PPHLN1: variants seen among roughly 807,000 people sequenced by gnomAD.
The protein encoded by PPHLN1 is periphilin 1.
PPHLN1 carries 29 observed loss-of-function variants against 51.3 expected under a neutral mutation model. The observed-to-expected ratio is 0.57, with a 90% CI of 0.42 to 0.77. The LOEUF is 0.77. PPHLN1 is among the 30% of genes least tolerant of loss of function. The pLI is 0.00. For missense variants in PPHLN1, 436 were observed against 438.4 expected (o/e 0.99, Z 0.05); for synonymous variants, 147 against 147.8 (o/e 0.99, Z 0.04).
At chr12:42,406,843 A>G (rs1411662591) in intron 9 of PPHLN1, among the ~76,000 whole-genome samples, 1 of 151,994 alleles carries the variant, frequency 6.6e-6, no homozygotes, top group East Asian at 1.9e-4. Context: ...TATATTTTAC[A>G]TTGAGTTATA....
intron 1 of PPHLN1, among the ~76,000 whole-genome samples, chr12:42,329,412 T>C (rs1199898604): frequency 2.0e-5 from 3 of 152,180 alleles, no homozygotes; most frequent in African/African-American, 7.2e-5. Flanking sequence ...GCCTGGAATT[T>C]CAAATATTTT....
intron 9 of PPHLN1, among the ~76,000 whole-genome samples, chr12:42,438,315 C>G (rs1399166040): frequency 6.6e-6 from 1 of 152,138 alleles, no homozygotes; most frequent in African/African-American, 2.4e-5. Flanking sequence ...TGTGGCTCTA[C>G]ATTTTTGACA....
chr12:42,374,944 T>C lies in PPHLN1; in HGVS notation c.381T>C (p.Asn127=). ...AGCGGTCTCCTTATAAAAGGGACAATACTTTTTTCAGAGAATCACCTGTTG... is the reference window on the plus strand; with the variant it reads ...AGCGGTCTCCTTATAAAAGGGACAACACTTTTTTCAGAGAATCACCTGTTG... ...ARERSPYKRD[N]TFFRESPVGR... Residue 127 remains asparagine (N), a synonymous_variant, in exon 5 of 10, where the codon AAT becomes AAC. Transcript: ENST00000358314. 6.2e-7 allele frequency: 1 copy of C among 1,613,712 alleles called. No individual in the cohort carries two copies. Among genetic ancestry groups the C allele is most frequent in the Non-Finnish European group, 8.5e-7 (1 of 1,179,884 alleles).
intron 4 of PPHLN1, chr12:42,359,684 C>CCGTG (rs2074412459): frequency 6.6e-6 from 1 of 152,148 alleles, no homozygotes; most frequent in Non-Finnish European, 1.5e-5. Flanking sequence ...GCATTGTGAA[C>CCGTG]CGTGCAAAGA....
Position 42,374,982 on chromosome 12 carries a change from C to T in PPHLN1, c.419C>T (p.Ser140Phe). 1 of 1,613,942 alleles carries T rather than the reference C, an allele frequency of 6.2e-7. No homozygotes were observed. Among genetic ancestry groups the T allele is most frequent in the Non-Finnish European group, 8.5e-7 (1 of 1,179,954 alleles). ...FRESPVGRKDSPHSRSGSSVS... is the reference protein window; with the variant it reads ...FRESPVGRKDFPHSRSGSSVS... ...GAATCACCTGTTGGCCGAAAGGATT[C>T]TCCACACAGCAGATCTGGTTCCAGT... Residue 140 changes from serine (S) to phenylalanine (F), a missense_variant, in exon 5 of 10, where the codon TCT (serine) becomes TTT (phenylalanine). Coordinates refer to ENST00000358314, the MANE Select transcript of PPHLN1 (RefSeq NM_201439.2).
chr12:42,375,048 A>G lies in PPHLN1; in HGVS notation c.485A>G (p.Tyr162Cys), dbSNP rs1291781264. The G allele has an allele frequency of 4.3e-6, 7 of 1,611,272 alleles. No individual in the cohort carries two copies. The South Asian group carries it at 5.5e-5, about 13-fold the overall frequency. ...RSYSPERSKS[Y>C]SFHQSQHRKS... Reference sequence around the variant, plus strand: ...TACTCTCCAGAAAGGAGCAAATCATACTCTTTCCATCAGTCTCAACATAGA... The same window carrying G: ...TACTCTCCAGAAAGGAGCAAATCATGCTCTTTCCATCAGTCTCAACATAGA... The change falls in exon 5 of 10, where the codon TAC (tyrosine) becomes TGC (cysteine). Residue 162 changes from tyrosine (Y) to cysteine (C), a missense_variant. Physicochemically the swap from Tyr to Cys is radical, Grantham distance 194 (BLOSUM62 -2). Coordinates refer to ENST00000358314, the MANE Select transcript of PPHLN1 (RefSeq NM_201439.2).
intron 3 of PPHLN1, among the ~76,000 whole-genome samples, chr12:42,353,915 A>G (rs1349145410): frequency 1.3e-5 from 2 of 152,140 alleles, no homozygotes; most frequent in African/African-American, 4.8e-5. Context: ...TTTTGTGTGT[A>G]TAACATTTTT....
At chr12:42,396,086 A>T (rs188695263) in intron 8 of PPHLN1, among the ~76,000 whole-genome samples, 8 of 152,284 alleles carry the variant, frequency 5.3e-5, no homozygotes, top group African/African-American at 1.9e-4. Context: ...AGGAAGAAAA[A>T]AAAAGATTCT....
intron 9 of PPHLN1, among the ~76,000 whole-genome samples, chr12:42,404,562 A>G (rs1321822814): frequency 8.5e-6 from 1 of 118,066 alleles, no homozygotes; most frequent in Non-Finnish European, 1.7e-5. Context: ...AAAATATTTC[A>G]TAGCAAGTTT....
intron 9 of PPHLN1, among the ~76,000 whole-genome samples, chr12:42,439,409 G>A (rs1377790769): frequency 6.6e-6 from 1 of 152,238 alleles, no homozygotes; most frequent in South Asian, 2.1e-4. Context: ...GTATGGGTCT[G>A]TATCTGGACT....
intron 9 of PPHLN1, among the ~76,000 whole-genome samples, chr12:42,413,526 A>ATGTGTGTGTGTGTGTG (rs71084648): frequency 1.5e-4 from 20 of 136,606 alleles, no homozygotes; most frequent in East Asian, 6.3e-4. Context: ...ATATATGTAT[A>ATGTGTGTGTGTGTGTG]TGTGTGTGTG....
chr12:42,395,617 A>G (rs1012899660), intron 8 of PPHLN1, among the ~76,000 whole-genome samples: 3 of 149,022 alleles, frequency 2.0e-5, no homozygotes, highest in Non-Finnish European at 4.5e-5. Flanking sequence ...CTGTAAACTG[A>G]TATCTAATTT....
intron 4 of PPHLN1, among the ~76,000 whole-genome samples, chr12:42,368,823 C>T (rs889026150): frequency 2.0e-5 from 3 of 152,226 alleles, no homozygotes; most frequent in Admixed American, 6.5e-5. Flanking sequence ...TACAATTAAA[C>T]TTTTAAAGCA....
intron 9 of PPHLN1, among the ~76,000 whole-genome samples, chr12:42,428,502 C>A (rs1669893): frequency 0.61 from 92,978 of 151,946 alleles, 28,626 homozygotes; most frequent in Admixed American, 0.67. Context: ...TAAGTGAAGT[C>A]ACTAACTCAG....
At chr12:42,446,341 A>G, downstream of PPHLN1, 1 of 1,524,702 alleles carries the variant, frequency 6.6e-7, no homozygotes, top group Non-Finnish European at 8.8e-7. Context: ...TACCTACTAT[A>G]CCCTATTAAG....
rs962806476 is a variant in PPHLN1 at position 42,387,370 on chromosome 12, A to AC, written c.569-81dup. ...GTTTTAGTACTAAAATAAGTGTATGACCCCCACATTAATTCCATTACAAAA... is the reference window on the plus strand; with the variant it reads ...GTTTTAGTACTAAAATAAGTGTATGACCCCCCACATTAATTCCATTACAAAA... On this transcript the variant is annotated intron_variant, in intron 6 of 9. Coordinates refer to ENST00000358314, the MANE Select transcript of PPHLN1 (RefSeq NM_201439.2). 1.4e-5 allele frequency: 19 copies of AC among 1,395,640 alleles called. No individual in the cohort carries two copies. In the African/African-American group the frequency reaches 1.8e-4, roughly 13 times the overall value. 86.5% of individuals were successfully genotyped at this position (1,395,640 alleles called of 1,614,324 possible).
intron 2 of PPHLN1, among the ~76,000 whole-genome samples, chr12:42,343,179 G>A (rs766154938): frequency 5.3e-5 from 8 of 152,122 alleles, no homozygotes; most frequent in Non-Finnish European, 1.2e-4. Flanking sequence ...TGTTTAAAAT[G>A]TATTAATGTT....
intron 9 of PPHLN1, among the ~76,000 whole-genome samples, chr12:42,413,695 C>G (rs376543565): frequency 1.3e-5 from 2 of 151,534 alleles, no homozygotes; most frequent in African/African-American, 2.4e-5. Flanking sequence ...TGGAGTAGCT[C>G]GGATTACAGG....
chr12:42,376,532 A>G (rs2076278475), intron 5 of PPHLN1, among the ~76,000 whole-genome samples: 2 of 152,346 alleles, frequency 1.3e-5, no homozygotes, highest in Admixed American at 6.5e-5. Flanking sequence ...CATGCCTGTA[A>G]TCCTTGCACT....
Sources: allele counts gnomAD v4.1 joint callset (sites outside exome capture counted in the v4.1 genomes callset), GRCh38; gene constraint gnomAD v4.1.1; transcripts MANE v1.5; gene names NCBI Gene and HGNC (gene_info 2026-07-23, HGNC 2026-07-21).